JAM3: variants seen among roughly 807,000 people sequenced by gnomAD.
The protein encoded by JAM3 is junctional adhesion molecule 3.
In JAM3, 31 loss-of-function variants were observed where a neutral mutation model predicts 39.4. That is an observed-to-expected ratio of 0.79 (90% confidence interval 0.59 to 1.06). The LOEUF is 1.06. Among genes scored for constraint, JAM3 ranks in the 50% least tolerant of loss-of-function variants. The pLI is 0.00. For synonymous variants in JAM3, 182 were observed against 148.7 expected (o/e 1.22, Z -1.63); for missense variants, 455 against 391.4 (o/e 1.16, Z -1.37).
chr11:134,116,716 G>A (rs1942440306), intron 1 of JAM3, among the ~76,000 whole-genome samples: 1 of 151,022 alleles, frequency 6.6e-6, no homozygotes, highest in Non-Finnish European at 1.5e-5. Context: ...AATGCTTTTG[G>A]TTATCAGGTG....
rs1296691400 is a variant in JAM3, at chr11:134,069,100, C to T, written c.17C>T (p.Pro6Leu). Residue 6 changes from proline to leucine, a missense_variant, in exon 1 of 9, where the codon CCA becomes CTA. By Grantham distance (98) the Pro-to-Leu change is moderately conservative (BLOSUM62 -3). Transcript: ENST00000299106. MALRR[P>L]PRLRLCARLP... ...ACCCTCGACATGGCGCTGAGGCGGC[C>T]ACCGCGACTCCGGCTCTGCGCTCGG... is the stretch of plus-strand genomic sequence containing the variant. The T allele has an allele frequency of 3.1e-6, 5 of 1,611,748 alleles. No homozygotes were observed. The highest frequency in any genetic ancestry group is 3.4e-6 in the Non-Finnish European group (4 of 1,179,210).
In JAM3 at chr11:134,144,884, C is replaced by T. The variant is rs375430860; in HGVS notation, c.502C>T (p.Arg168Trp). The T allele has an allele frequency of 1.4e-5, 22 of 1,613,820 alleles. No individual in the cohort carries two copies. The African/African-American group carries it at 2.1e-4, about 16-fold the overall frequency. The stretch of plus-strand genomic sequence containing the variant: ...CTGCCAGGAGAGTGAGGGCCACCCC[C>T]GGCCTCACTACAGCTGGTATCGCAA... ...LHCQESEGHP[R>W]PHYSWYRNDV... The change falls in exon 5 of 9, where the codon CGG becomes TGG. Residue 168 changes from arginine (R) to tryptophan (W), a missense_variant. By Grantham distance (101) the Arg-to-Trp change is moderately radical. Transcript: ENST00000299106.
At chr11:134,140,215 G>A (rs191071613) in intron 2 of JAM3, among the ~76,000 whole-genome samples, 87 of 152,232 alleles carry the variant, frequency 5.7e-4, no homozygotes, top group African/African-American at 1.6e-3. Context: ...GTGTAGTGGC[G>A]CAATCTTGGC....
chr11:134,139,829 TTTAC>T lies in JAM3; in HGVS notation c.77-19_77-16del. On this transcript the variant is annotated intron_variant, in intron 1 of 8. Coordinates refer to ENST00000299106, the MANE Select transcript of JAM3 (RefSeq NM_032801.5). ...CCGTTTGAGATACATTGTCTCTGAT[TTTAC>T]TTTTCTTTCTCCTTCAGGCTGCCTG... 6.2e-7 allele frequency: 1 copy of T among 1,603,396 alleles called. No homozygotes were observed. The highest frequency in any genetic ancestry group is 1.3e-5 in the African/African-American group (1 of 74,812).
At chr11:134,139,528 A>G in intron 1 of JAM3, 1 of 351,530 alleles carries the variant, frequency 2.8e-6, no homozygotes, top group Middle Eastern at 9.7e-4. Context: ...AGGCCCGGGC[A>G]GGTCTGGGAG....
At chr11:134,120,754 C>T (rs1303971951) in intron 1 of JAM3, among the ~76,000 whole-genome samples, 3 of 152,168 alleles carry the variant, frequency 2.0e-5, no homozygotes, top group Non-Finnish European at 4.4e-5. Flanking sequence ...TCAGGATGCT[C>T]ACGCCATTAT....
At chr11:134,134,728 T>G (rs770396584) in intron 1 of JAM3, among the ~76,000 whole-genome samples, 1 of 152,206 alleles carries the variant, frequency 6.6e-6, no homozygotes, top group Non-Finnish European at 1.5e-5. Context: ...AAGTGGTATC[T>G]CATTGTGGTT....
At chr11:134,089,451 T>TC (rs1941803504) in intron 1 of JAM3, among the ~76,000 whole-genome samples, 1 of 152,062 alleles carries the variant, frequency 6.6e-6, no homozygotes, top group Non-Finnish European at 1.5e-5. Flanking sequence ...CCAAATGCTA[T>TC]CCCCCCATCC....
chr11:134,119,073 A>G (rs1301739637), intron 1 of JAM3, among the ~76,000 whole-genome samples: 1 of 151,692 alleles, frequency 6.6e-6, no homozygotes, highest in Non-Finnish European at 1.5e-5. Context: ...GGTTCAAGCA[A>G]GCACATCGGC....
Position 134,144,326 on chromosome 11 carries a change from CTG to C in JAM3, c.345_346del (p.Cys115Ter). ...VTRRDSALYRCEVVARNDRKE... is the reference protein window; with the variant it reads ...VTRRDSALYRXEVVARNDRKE... The stretch of plus-strand genomic sequence containing the variant: ...CACGGAGAGACTCAGCCCTTTATCG[CTG>C]TGAGGTCGTTGCTCGAAATGACCGC... On this transcript the variant is annotated frameshift_variant, in exon 4 of 9. Coordinates refer to ENST00000299106, the MANE Select transcript of JAM3 (RefSeq NM_032801.5). LOFTEE classifies it high-confidence loss of function. 6.2e-7 allele frequency: 1 copy of C among 1,614,190 alleles called. No homozygotes were observed. Among genetic ancestry groups the C allele is most frequent in the Non-Finnish European group, 8.5e-7 (1 of 1,180,026 alleles).
chr11:134,120,224 G>A (rs1030374527), intron 1 of JAM3, among the ~76,000 whole-genome samples: 1 of 152,208 alleles, frequency 6.6e-6, no homozygotes, highest in African/African-American at 2.4e-5. Context: ...GAAAGCCTGC[G>A]CTGCCGTTGT....
chr11:134,076,453 T>C (rs1468887661), intron 1 of JAM3, among the ~76,000 whole-genome samples: 1 of 152,128 alleles, frequency 6.6e-6, no homozygotes, highest in South Asian at 2.1e-4. Context: ...CGCACCTGGC[T>C]TACTCCTTTT....
At chr11:134,082,904 C>G (rs1047454323) in intron 1 of JAM3, among the ~76,000 whole-genome samples, 1 of 152,180 alleles carries the variant, frequency 6.6e-6, no homozygotes, top group Non-Finnish European at 1.5e-5. Flanking sequence ...GAAATAGATG[C>G]TAACTGCATG....
At chr11:134,134,413 A>AAAAAAAAAAC (rs1942825292) in intron 1 of JAM3, among the ~76,000 whole-genome samples, 1 of 151,396 alleles carries the variant, frequency 6.6e-6, no homozygotes, top group Non-Finnish European at 1.5e-5. Flanking sequence ...AAAAAAAAAA[A>AAAAAAAAAAC]AAAAAAAAAC....
At chr11:134,118,744 C>G (rs1942482827) in intron 1 of JAM3, among the ~76,000 whole-genome samples, 1 of 152,246 alleles carries the variant, frequency 6.6e-6, no homozygotes, top group South Asian at 2.1e-4. Context: ...TCTCTTTTGT[C>G]TTTCCTCATA....
chr11:134,145,756 C>T (rs1427630578), intron 5 of JAM3, among the ~76,000 whole-genome samples, 190 bp from the exon 6 acceptor site: 1 of 152,074 alleles, frequency 6.6e-6, no homozygotes, highest in Non-Finnish European at 1.5e-5. Flanking sequence ...GTCTCCAGTC[C>T]CAAGGGGATT....
At chr11:134,106,011 A>G (rs927871940) in intron 1 of JAM3, among the ~76,000 whole-genome samples, 14 of 152,222 alleles carry the variant, frequency 9.2e-5, no homozygotes, top group Middle Eastern at 3.2e-3. Flanking sequence ...TAAAGTTCCT[A>G]TGGAACCAAA....
chr11:134,107,824 C>T (rs142025572), intron 1 of JAM3, among the ~76,000 whole-genome samples: 102 of 151,730 alleles, frequency 6.7e-4, no homozygotes, highest in African/African-American at 2.0e-3. Context: ...TATTACGCCA[C>T]GGCACTCTGG....
intron 1 of JAM3, among the ~76,000 whole-genome samples, chr11:134,111,434 G>T (rs1039407004): frequency 9.9e-5 from 15 of 151,998 alleles, no homozygotes; most frequent in Admixed American, 5.2e-4. Context: ...AAAAATACCA[G>T]TGAAAATCAA....
Sources: gnomAD v4.1 joint callset for allele counts (sites outside exome capture counted in the v4.1 genomes callset) on GRCh38, gnomAD v4.1.1 for gene constraint, MANE v1.5 for transcripts, NCBI Gene and HGNC (gene_info 2026-07-23, HGNC 2026-07-21) for gene names.